Variants in CMIP observed in about 807,000 individuals in gnomAD.
CMIP encodes C-Maf-inducing protein.
A neutral mutation model predicts 97.3 loss-of-function variants in CMIP; 13 were observed. That is an observed-to-expected ratio of 0.13 (90% CI 0.09 to 0.21). The LOEUF (loss-of-function observed/expected upper bound fraction) is 0.21. CMIP is among the 10% of genes least tolerant of loss of function. CMIP has a pLI of 1.00. For missense variants in CMIP, 847 were observed against 1,024.9 expected (o/e 0.83, Z 2.37); for synonymous variants, 538 against 436.3 (o/e 1.23, Z -2.91).
intron 1 of CMIP, among the ~76,000 whole-genome samples, chr16:81,567,197 G>A (rs2090998012): frequency 6.6e-6 from 1 of 152,270 alleles, no homozygotes; most frequent in South Asian, 2.1e-4. Context: ...CCACATCGAA[G>A]TCCGAGGCTT....
At chr16:81,506,696 C>G (rs766612641) in intron 1 of CMIP, among the ~76,000 whole-genome samples, 4 of 152,180 alleles carry the variant, frequency 2.6e-5, no homozygotes, top group African/African-American at 9.7e-5. Flanking sequence ...GGGCGGATCA[C>G]GAGGTCAGGA....
At chr16:81,523,468 C>A (rs935315140) in intron 1 of CMIP, among the ~76,000 whole-genome samples, 1 of 152,156 alleles carries the variant, frequency 6.6e-6, no homozygotes, top group African/African-American at 2.4e-5. Flanking sequence ...GGTCTGGTAC[C>A]CTCCCAGCAC....
intron 1 of CMIP, 77 bp downstream of exon 1, chr16:81,445,618 C>T: frequency 6.9e-7 from 1 of 1,453,138 alleles, no homozygotes; most frequent in Non-Finnish European, 9.2e-7. Context: ...CCCCCTGGCG[C>T]TGCACCTGGA....
chr16:81,638,927 A>G (rs1373942395), intron 3 of CMIP, among the ~76,000 whole-genome samples: 1 of 151,990 alleles, frequency 6.6e-6, no homozygotes, highest in Non-Finnish European at 1.5e-5. Context: ...CACCCGGCCC[A>G]CCCGTGCAGG....
intron 9 of CMIP, among the ~76,000 whole-genome samples, chr16:81,674,777 G>T (rs2092712852): frequency 6.6e-6 from 1 of 151,932 alleles, no homozygotes; most frequent in Non-Finnish European, 1.5e-5. Flanking sequence ...GTAGAGATGG[G>T]GTTTTACTTT....
intron 1 of CMIP, among the ~76,000 whole-genome samples, chr16:81,552,596 T>A (rs564143987): frequency 6.6e-6 from 1 of 152,344 alleles, no homozygotes; most frequent in South Asian, 2.1e-4. Context: ...TCTGACCCTT[T>A]GCCTTCCTCT....
intron 3 of CMIP, chr16:81,631,607 C>T (rs1206154593): frequency 6.6e-6 from 1 of 152,230 alleles, no homozygotes; most frequent in Non-Finnish European, 1.5e-5. Context: ...ACCCTGAACT[C>T]TTTTGAGACT....
At chr16:81,476,245 T>A in intron 1 of CMIP, 2 of 1,499,492 alleles carry the variant, frequency 1.3e-6, no homozygotes, top group Non-Finnish European at 1.9e-6. Flanking sequence ...GGGACCTGTA[T>A]GCTTTAGGAT....
At chr16:81,455,591 G>T (rs1034823076) in intron 1 of CMIP, among the ~76,000 whole-genome samples, 11 of 152,150 alleles carry the variant, frequency 7.2e-5, no homozygotes, top group Admixed American at 7.2e-4. Flanking sequence ...GAAAGCAGGG[G>T]ATTGCGTACA....
intron 1 of CMIP, among the ~76,000 whole-genome samples, chr16:81,537,652 G>C (rs1358277494): frequency 2.6e-5 from 4 of 151,850 alleles, no homozygotes. Context: ...GATCGCTTAA[G>C]GCCAGGAGTT....
chr16:81,521,240 C>A (rs1403224742), intron 1 of CMIP, among the ~76,000 whole-genome samples: 1 of 152,214 alleles, frequency 6.6e-6, no homozygotes, highest in Non-Finnish European at 1.5e-5. Context: ...TCCTGAGTGG[C>A]CTCTGCATCA....
At position 81,678,527 on chromosome 16, in the gene CMIP, C is replaced by T. The variant is rs779463584; in HGVS notation, c.1287C>T (p.Ile429=). 1.7e-5 allele frequency: 27 copies of T among 1,605,306 alleles called. No individual in the cohort carries two copies. The highest frequency in any genetic ancestry group is 2.1e-5 in the Non-Finnish European group (25 of 1,176,890). Residue 429 remains isoleucine, a synonymous_variant, in exon 10 of 21, where the codon ATC becomes ATT. Transcript: ENST00000537098. ...SAGNDSEPNL[I]DCLMVSPACS... is the part of the protein sequence containing the mutation. ...GCAACGACAGCGAGCCCAACCTCAT[C>T]GACTGCCTCATGGTCAGCCCCGCCT... is the stretch of plus-strand genomic sequence containing the variant.
intron 3 of CMIP, among the ~76,000 whole-genome samples, chr16:81,636,431 A>G (rs1424717730): frequency 6.6e-6 from 1 of 151,914 alleles, no homozygotes; most frequent in East Asian, 1.9e-4. Flanking sequence ...AATAATACAA[A>G]TTAGCTAGGC....
At chr16:81,486,322 C>G (rs1212505554) in intron 1 of CMIP, among the ~76,000 whole-genome samples, 2 of 121,668 alleles carry the variant, frequency 1.6e-5, no homozygotes, top group African/African-American at 2.8e-5. Context: ...TCTGTTTCGT[C>G]CATCCACTAG....
intron 1 of CMIP, among the ~76,000 whole-genome samples, chr16:81,581,853 C>T (rs1272468352): frequency 6.6e-6 from 1 of 152,134 alleles, no homozygotes; most frequent in Non-Finnish European, 1.5e-5. Flanking sequence ...TCCTTCTCTG[C>T]AGAGGGGCCT....
At chr16:81,471,260 C>A (rs538625868) in intron 1 of CMIP, among the ~76,000 whole-genome samples, 1 of 152,164 alleles carries the variant, frequency 6.6e-6, no homozygotes, top group South Asian at 2.1e-4. Flanking sequence ...ATACACATAC[C>A]ATATATACTT....
chr16:81,624,933 C>G (rs531151353), intron 3 of CMIP, among the ~76,000 whole-genome samples: 1 of 152,146 alleles, frequency 6.6e-6, no homozygotes, highest in Admixed American at 6.5e-5. Context: ...GGTTGTAGCT[C>G]CCATGTTGGA....
rs1284372114 is a variant in CMIP, at chr16:81,711,533, ACT to A, written c.*1735_*1736del. On this transcript the variant is annotated 3_prime_UTR_variant, in exon 21 of 21. Coordinates refer to ENST00000537098, the MANE Select transcript of CMIP (RefSeq NM_198390.3). ...TTTTCTTTCCCCCCTCCGGTCCCAT[ACT>A]TCACAGCACTCTGGTGCGGGAAGAA... 7.9e-5 allele frequency: 12 copies of A among 151,426 alleles called. No homozygotes were observed. The highest frequency in any genetic ancestry group is 1.3e-4 in the Non-Finnish European group (9 of 67,872). The allele number at this position is 151,426 out of a possible 1,614,324, so 9.4% of individuals were successfully genotyped here. A position where few individuals can be genotyped will look rare whatever the true frequency, so the allele number is the denominator to read the frequency against.
intron 1 of CMIP, among the ~76,000 whole-genome samples, chr16:81,483,327 T>C (rs1022136096): frequency 8.0e-5 from 2 of 25,142 alleles, no homozygotes; most frequent in African/African-American, 2.8e-4. Flanking sequence ...ATTTACCTGG[T>C]TTTTTTTCTA....
Sources: gnomAD v4.1 joint callset for allele counts (sites outside exome capture counted in the v4.1 genomes callset) on GRCh38, gnomAD v4.1.1 for gene constraint, MANE v1.5 for transcripts, NCBI Gene and HGNC (gene_info 2026-07-23, HGNC 2026-07-21) for gene names.